The following GAPVD1 variants were observed in gnomAD, a reference collection of about 807,000 sequenced individuals.
The protein encoded by GAPVD1 is GTPase activating protein and VPS9 domains 1, also known as GTPase-activating protein and VPS9 domain-containing protein 1.
GAPVD1 carries 35 observed loss-of-function variants against 155.5 expected under a neutral mutation model. The ratio of observed to expected loss-of-function variants is 0.23; its 90% CI spans 0.17 to 0.30. GAPVD1 has a LOEUF of 0.30. Ranked by LOEUF, GAPVD1 falls within the 10% of genes least tolerant of loss-of-function variation. The pLI is 1.00. For synonymous variants in GAPVD1, 636 were observed against 619.7 expected, an observed-to-expected ratio of 1.03 and a Z score of -0.39; for missense variants, 1,429 against 1,775.7, an observed-to-expected ratio of 0.80 and a Z score of 3.51.
In GAPVD1 at chr9:125,266,336, C is replaced by T. The variant is rs188283105; in HGVS notation, c.-198-2600C>T. On this transcript the variant is annotated intron_variant, in intron 1 of 27. Transcript: ENST00000297933. ...TTTATTTTATTTTTTTTTTTTTAGACGGAGTCTCGCTCTGTCGCCCAGGCT... is the reference window on the plus strand; with the variant it reads ...TTTATTTTATTTTTTTTTTTTTAGATGGAGTCTCGCTCTGTCGCCCAGGCT... Among the ~76,000 whole-genome samples the T allele has an allele frequency of 6.2e-3, 925 of 149,272 alleles. 12 individuals are homozygous for T. The highest frequency in any genetic ancestry group is 0.035 in the South Asian group (166 of 4,726).
Position 125,364,070 on chromosome 9 carries a change from A to T in GAPVD1, c.*1324A>T, listed in dbSNP as rs1851271852. On this transcript the variant is annotated 3_prime_UTR_variant, in exon 28 of 28. Coordinates refer to ENST00000297933, the MANE Select transcript of GAPVD1 (RefSeq NM_001282680.3). Reference sequence around the variant, plus strand: ...AACACATTTAGCTGCTTTTTTAACAAACTCAGCCCCATACTTGAGTCCCTT... The same window carrying T: ...AACACATTTAGCTGCTTTTTTAACATACTCAGCCCCATACTTGAGTCCCTT... 1 of 152,492 alleles carries T rather than the reference A, an allele frequency of 6.6e-6. No homozygotes were observed. The highest frequency in any genetic ancestry group is 1.5e-5 in the Non-Finnish European group (1 of 68,022). The allele number at this position is 152,492 out of a possible 1,614,324, so 9.4% of individuals were successfully genotyped here. A position where few individuals can be genotyped will look rare whatever the true frequency, so the allele number is the denominator to read the frequency against.
At chr9:125,302,963 G>C in intron 5 of GAPVD1, 137 bp downstream of exon 5, 2 of 984,772 alleles carry the variant, frequency 2.0e-6, no homozygotes, top group Non-Finnish European at 2.9e-6. Context: ...CTAAGTATTT[G>C]CATCTTATTA....
chr9:125,359,499 C>T lies in GAPVD1; in HGVS notation c.4044+7C>T, dbSNP rs918518824. ...AGCTCTTCAGATACCAGAGGTAATA[C>T]AGGTTTATATAGCATGGGTAATGTT... On this transcript the variant is annotated splice_region_variant and intron_variant, in intron 26 of 27. Transcript: ENST00000297933. 3 of 1,390,810 alleles carry T rather than the reference C, an allele frequency of 2.2e-6. No homozygotes were observed. Among genetic ancestry groups the T allele is most frequent in the African/African-American group, 1.4e-5 (1 of 70,768 alleles). The allele number at this position is 1,390,810 out of a possible 1,614,324, so 86.2% of individuals were successfully genotyped here.
Position 125,341,172 on chromosome 9 carries a change from T to C in GAPVD1, c.2878-5T>C, listed in dbSNP as rs1159732556. ...TCCAAATAAAGCCTCCAACTTTTTC[T>C]ACAGACTGAAGAACGCAAAGATAGC... On this transcript the variant is annotated splice_polypyrimidine_tract_variant and splice_region_variant and intron_variant, in intron 17 of 27. Coordinates refer to ENST00000297933, the MANE Select transcript of GAPVD1 (RefSeq NM_001282680.3). The C allele has an allele frequency of 6.6e-7, 1 of 1,525,588 alleles. No individual in the cohort carries two copies. The highest frequency in any genetic ancestry group is 1.1e-5 in the South Asian group (1 of 89,310). 94.5% of individuals were successfully genotyped at this position (1,525,588 alleles called of 1,614,324 possible). A position where few individuals can be genotyped will look rare whatever the true frequency, so the allele number is the denominator to read the frequency against.
rs1851364376 is a variant in GAPVD1, at chr9:125,364,896, A to T, written c.*2150A>T. ...AGAAGACTTCGAATGGTTGAAATTC[A>T]TTGTTACAGGATTTAACTCATAAAC... On this transcript the variant is annotated 3_prime_UTR_variant, in exon 28 of 28. Coordinates refer to ENST00000297933, the MANE Select transcript of GAPVD1 (RefSeq NM_001282680.3). The T allele has an allele frequency of 6.6e-6, 1 of 152,634 alleles. No homozygotes were observed. The allele number at this position is 152,634 out of a possible 1,614,324, so 9.5% of individuals were successfully genotyped here. A position where few individuals can be genotyped will look rare whatever the true frequency, so the allele number is the denominator to read the frequency against.
chr9:125,355,549 T>C, intron 24 of GAPVD1, 95 bp from the exon 25 acceptor site: 1 of 765,662 alleles, frequency 1.3e-6, no homozygotes, highest in Admixed American at 2.7e-5. Context: ...GGTGTCTGCA[T>C]AGCTAGTGAT....
chr9:125,306,630 C>T (rs1178842099), intron 6 of GAPVD1, among the ~76,000 whole-genome samples: 2 of 151,806 alleles, frequency 1.3e-5, no homozygotes, highest in African/African-American at 4.8e-5. Context: ...GTAGCTGGGA[C>T]TGCAGGTGCG....
intron 2 of GAPVD1, among the ~76,000 whole-genome samples, chr9:125,293,475 G>A (rs1470765047): frequency 1.4e-5 from 2 of 146,856 alleles, no homozygotes; most frequent in Non-Finnish European, 3.0e-5. Flanking sequence ...TTTTGAGATA[G>A]AGTTTTGCTT....
In GAPVD1 at chr9:125,277,372, A is replaced by G. The variant is rs531989665; in HGVS notation, c.-150+8388A>G. Among the ~76,000 whole-genome samples, 3 of 152,300 alleles carry G rather than the reference A, an allele frequency of 2.0e-5. No homozygotes were observed. In the East Asian group the frequency reaches 5.8e-4, roughly 29 times the overall value. The stretch of plus-strand genomic sequence containing the variant: ...GGAAATATCTGAGTCAAGGGACTGT[A>G]CTTGGTTTGAGCTACACCCTGATAC... On this transcript the variant is annotated intron_variant, in intron 2 of 27. Transcript: ENST00000297933.
chr9:125,289,024 G>A (rs1471381245), intron 2 of GAPVD1, among the ~76,000 whole-genome samples: 2 of 152,232 alleles, frequency 1.3e-5, no homozygotes, highest in African/African-American at 4.8e-5. Flanking sequence ...GTAGAAGTGT[G>A]TCTGGCACGT....
At chr9:125,263,822 G>T in intron 1 of GAPVD1, 6 of 1,110,804 alleles carry the variant, frequency 5.4e-6, no homozygotes, top group Non-Finnish European at 6.9e-6. Context: ...CAGCTATGGC[G>T]TAGGGTAGCA....
At chr9:125,285,337 C>G (rs889269486) in intron 2 of GAPVD1, among the ~76,000 whole-genome samples, 1 of 152,066 alleles carries the variant, frequency 6.6e-6, no homozygotes, top group African/African-American at 2.4e-5. Context: ...TTCACTCTTG[C>G]CACTAAAATC....
rs76926821 is a variant in GAPVD1 at position 125,271,138 on chromosome 9, A to G, written c.-150+2154A>G. On this transcript the variant is annotated intron_variant, in intron 2 of 27. Transcript: ENST00000297933. ...TGTGTGGCCAAAATTATGTTTTTGTATACCTTTTTTTGTAAGCCATTTAAA... is the reference window on the plus strand; with the variant it reads ...TGTGTGGCCAAAATTATGTTTTTGTGTACCTTTTTTTGTAAGCCATTTAAA... Among the ~76,000 whole-genome samples, 612 of 152,240 alleles carry G rather than the reference A, an allele frequency of 4.0e-3. 28 individuals carry two copies. In the East Asian group the frequency reaches 0.095, roughly 24 times the overall value.
chr9:125,323,978 A>C, intron 11 of GAPVD1, 55 bp downstream of exon 11: 1 of 1,523,670 alleles, frequency 6.6e-7, no homozygotes, highest in South Asian at 1.2e-5. Flanking sequence ...CCTGATTGCA[A>C]GATGAGCAGT....
chr9:125,269,041 C>T (rs1398789575), intron 2 of GAPVD1, 57 bp downstream of exon 2: 1 of 151,602 alleles, frequency 6.6e-6, no homozygotes, highest in Non-Finnish European at 1.5e-5. Context: ...TTGCCTACAG[C>T]TACAAATTTT....
chr9:125,294,494 G>A lies in GAPVD1; in HGVS notation c.-149-964G>A, dbSNP rs146063326. On this transcript the variant is annotated intron_variant, in intron 2 of 27. Coordinates refer to ENST00000297933, the MANE Select transcript of GAPVD1 (RefSeq NM_001282680.3). Reference sequence around the variant, plus strand: ...CCTGAGTAGCTGGGACTACAGGCGCGTGTCACCATGCCCGGCTAATTTTTG... The same window carrying A: ...CCTGAGTAGCTGGGACTACAGGCGCATGTCACCATGCCCGGCTAATTTTTG... 2.1e-4 allele frequency among the ~76,000 whole-genome samples: 31 copies of A among 150,962 alleles called. No homozygotes were observed. In the East Asian group the frequency reaches 4.7e-3, roughly 23 times the overall value.
At chr9:125,320,692 C>T (rs977127381) in intron 9 of GAPVD1, among the ~76,000 whole-genome samples, 2 of 151,944 alleles carry the variant, frequency 1.3e-5, no homozygotes, top group Non-Finnish European at 2.9e-5. Context: ...GTGGCGCGAT[C>T]TCGGCTCACT....
chr9:125,309,644 T>A (rs182316453), intron 8 of GAPVD1, among the ~76,000 whole-genome samples: 75 of 152,224 alleles, frequency 4.9e-4, no homozygotes, highest in Admixed American at 9.8e-4. Flanking sequence ...CACTTAATGG[T>A]TTTTTGTGGG....
chr9:125,274,719 C>T (rs1248456705), intron 2 of GAPVD1, among the ~76,000 whole-genome samples: 1 of 152,136 alleles, frequency 6.6e-6, no homozygotes, highest in Non-Finnish European at 1.5e-5. Context: ...ACCTTGGCCT[C>T]CCAAAGTGCT....
Sources: gnomAD v4.1 joint callset for allele counts (sites outside exome capture counted in the v4.1 genomes callset) on GRCh38, gnomAD v4.1.1 for gene constraint, MANE v1.5 for transcripts, NCBI Gene and HGNC (gene_info 2026-07-23, HGNC 2026-07-21) for gene names.